USP34: variants seen among roughly 807,000 people sequenced by gnomAD.
USP34 encodes ubiquitin carboxyl-terminal hydrolase 34.
In USP34, 70 loss-of-function variants were observed where a neutral mutation model predicts 460.3. The ratio of observed to expected loss-of-function variants is 0.15; its 90% CI spans 0.13 to 0.19. The LOEUF is 0.19. Ranked by LOEUF, USP34 falls within the 10% of genes least tolerant of loss-of-function variation. The probability of loss-of-function intolerance (pLI) is 1.00; values close to 1 mark genes in which losing one functional copy is unlikely to be tolerated. For missense variants in USP34, 3,985 were observed against 4,236.2 expected (o/e 0.94, Z 1.65); for synonymous variants, 1,647 against 1,405.3 (o/e 1.17, Z -3.85).
At chr2:61,248,734 G>C (rs563306597) in intron 48 of USP34, 51 bp from the exon 49 acceptor site, 1 of 1,481,794 alleles carries the variant, frequency 6.7e-7, no homozygotes, top group South Asian at 1.4e-5. Context: ...AAATACTTCA[G>C]TTGGTTTGAT....
intron 3 of USP34, among the ~76,000 whole-genome samples, chr2:61,396,835 G>T (rs898794825): frequency 6.6e-6 from 1 of 152,104 alleles, no homozygotes; most frequent in Non-Finnish European, 1.5e-5. Flanking sequence ...GGATCTTTGG[G>T]GGATGATGGA....
In USP34 at chr2:61,319,190, G is replaced by A. The variant is rs1690840154; in HGVS notation, c.3151C>T (p.His1051Tyr). Residue 1051 changes from histidine (H) to tyrosine (Y), a missense_variant, in exon 22 of 80, where the codon CAT becomes TAT. His to Tyr is a moderately conservative substitution (Grantham distance 83). Around this residue, in one of 14 missense-constraint regions of USP34, gnomAD observed 1,114 missense variants for 1,122.5 expected, o/e 0.99. Transcript: ENST00000398571. ...QHAMGMETYKHLFLEKMPQLK... is the reference protein window; with the variant it reads ...QHAMGMETYKYLFLEKMPQLK... The stretch of plus-strand genomic sequence containing the variant: ...GTAATTACCTTCTCCAGGAAAAGAT[G>A]TTTGTAGGTTTCCATACCCATAGCA... The A allele has an allele frequency of 1.9e-6, 3 of 1,562,230 alleles. No homozygotes were observed. In the South Asian group the frequency reaches 3.7e-5, roughly 19 times the overall value.
chr2:61,324,705 C>CAGCT (rs1404668962), intron 21 of USP34, among the ~76,000 whole-genome samples: 1 of 152,008 alleles, frequency 6.6e-6, no homozygotes, highest in Non-Finnish European at 1.5e-5. Flanking sequence ...GGGAGGTCAA[C>CAGCT]AGCTGCAATG....
At position 61,406,129 on chromosome 2, in the gene USP34, C is replaced by A; in HGVS notation, c.132-1G>T. The A allele has an allele frequency of 6.5e-7, 1 of 1,530,108 alleles. No individual in the cohort carries two copies. The highest frequency in any genetic ancestry group is 8.7e-7 in the Non-Finnish European group (1 of 1,142,864). 94.8% of individuals were successfully genotyped at this position (1,530,108 alleles called of 1,614,324 possible). On this transcript the variant is annotated splice_acceptor_variant, in intron 2 of 79. Coordinates refer to ENST00000398571, the MANE Select transcript of USP34 (RefSeq NM_014709.4). LOFTEE classifies it high-confidence loss of function. Reference sequence around the variant, plus strand: ...TTCCTTGAAGCAGCATAGACATTGCCTATAAGAGAAAAAAAATTGAATAAA... The same window carrying A: ...TTCCTTGAAGCAGCATAGACATTGCATATAAGAGAAAAAAAATTGAATAAA...
intron 15 of USP34, among the ~76,000 whole-genome samples, chr2:61,345,569 T>C (rs1221368520): frequency 1.3e-5 from 2 of 152,226 alleles, no homozygotes; most frequent in Non-Finnish European, 2.9e-5. Flanking sequence ...CGAGCACTTA[T>C]TGTGCACCAA....
chr2:61,220,614 CTACTTT>C lies in USP34; in HGVS notation c.7900-163_7900-158del, dbSNP rs1192832605. On this transcript the variant is annotated intron_variant, in intron 66 of 79. Coordinates refer to ENST00000398571, the MANE Select transcript of USP34 (RefSeq NM_014709.4). Reference sequence around the variant, plus strand: ...CCCTATTTTTTTCCCATTTTTAAAGCTACTTTTACTTTTATCAACAGGAAGTGTTCA... The same window carrying C: ...CCCTATTTTTTTCCCATTTTTAAAGCTACTTTTATCAACAGGAAGTGTTCA... Among the ~76,000 whole-genome samples the C allele has an allele frequency of 3.9e-5, 6 of 152,154 alleles. No homozygotes were observed. The South Asian group carries it at 6.2e-4, about 16-fold the overall frequency.
At chr2:61,322,343 G>C (rs1437574393) in intron 21 of USP34, among the ~76,000 whole-genome samples, 1 of 152,192 alleles carries the variant, frequency 6.6e-6, no homozygotes, top group African/African-American at 2.4e-5. Context: ...TAATCAGCTA[G>C]GGAGTCAGGC....
chr2:61,338,059 C>G (rs182256512), intron 18 of USP34, among the ~76,000 whole-genome samples: 1 of 152,202 alleles, frequency 6.6e-6, no homozygotes, highest in Non-Finnish European at 1.5e-5. Flanking sequence ...CAGTGACTCA[C>G]GCCTGTAATC....
chr2:61,229,707 A>G, intron 58 of USP34, 74 bp from the exon 59 acceptor site: 1 of 1,293,138 alleles, frequency 7.7e-7, no homozygotes, highest in South Asian at 1.3e-5. Context: ...AACATGATTC[A>G]AAATTCTCTG....
intron 43 of USP34, among the ~76,000 whole-genome samples, chr2:61,260,535 G>C (rs954741079): frequency 2.6e-5 from 4 of 152,166 alleles, no homozygotes; most frequent in African/African-American, 4.8e-5. Flanking sequence ...ATGGAAGACT[G>C]CAAGTAATAT....
intron 8 of USP34, among the ~76,000 whole-genome samples, chr2:61,375,177 G>A (rs1274098943): frequency 3.3e-5 from 5 of 152,084 alleles, no homozygotes; most frequent in African/African-American, 9.7e-5. Context: ...TTAGGGAAAT[G>A]CAAATTAAAA....
At chr2:61,456,473 G>T (rs763536352) in intron 1 of USP34, among the ~76,000 whole-genome samples, 1 of 152,188 alleles carries the variant, frequency 6.6e-6, no homozygotes, top group Non-Finnish European at 1.5e-5. Flanking sequence ...TCTCCGCATA[G>T]TTTAAGTACG....
chr2:61,360,744 C>A (rs1459239059), intron 10 of USP34, among the ~76,000 whole-genome samples: 1 of 152,186 alleles, frequency 6.6e-6, no homozygotes, highest in Non-Finnish European at 1.5e-5. Flanking sequence ...GCAGCCTCGA[C>A]GTCCTGGGCT....
At chr2:61,356,911 A>T (rs1045952784) in intron 10 of USP34, among the ~76,000 whole-genome samples, 1 of 152,240 alleles carries the variant, frequency 6.6e-6, no homozygotes, top group Non-Finnish European at 1.5e-5. Context: ...CTAAAGATAA[A>T]CTTTAGTAAT....
In USP34 at chr2:61,348,752, A is replaced by T; in HGVS notation, c.1674+4T>A. 2 of 1,608,404 alleles carry T rather than the reference A, an allele frequency of 1.2e-6. No homozygotes were observed. The highest frequency in any genetic ancestry group is 2.2e-5 in the South Asian group (2 of 90,046). Reference sequence around the variant, plus strand: ...TATAAAAGAAGAAAAACCTATTTTCATACCTCTGTGTCTGAAAGTCGTTGT... The same window carrying T: ...TATAAAAGAAGAAAAACCTATTTTCTTACCTCTGTGTCTGAAAGTCGTTGT... On this transcript the variant is annotated splice_donor_region_variant and intron_variant, in intron 14 of 79. Coordinates refer to ENST00000398571, the MANE Select transcript of USP34 (RefSeq NM_014709.4).
At chr2:61,250,204 C>T in intron 48 of USP34, 1 of 162,696 alleles carries the variant, frequency 6.1e-6, no homozygotes, top group Middle Eastern at 5.3e-4. Flanking sequence ...GACAACAGAG[C>T]GAGACTCAAA....
chr2:61,450,726 A>G (rs920624735), intron 1 of USP34, among the ~76,000 whole-genome samples: 7 of 152,142 alleles, frequency 4.6e-5, no homozygotes, highest in Non-Finnish European at 8.8e-5. Flanking sequence ...AACCTACATA[A>G]AGGGGAAAAA....
chr2:61,377,862 A>G (rs983389070), intron 8 of USP34, among the ~76,000 whole-genome samples: 4 of 152,226 alleles, frequency 2.6e-5, no homozygotes, highest in Admixed American at 1.3e-4. Context: ...AAATAGTACT[A>G]TATGTTCGCA....
chr2:61,306,792 G>C (rs557989865), intron 27 of USP34, among the ~76,000 whole-genome samples: 1 of 152,078 alleles, frequency 6.6e-6, no homozygotes, highest in African/African-American at 2.4e-5. Flanking sequence ...TTAGAATGGC[G>C]ATCATTAAAA....
Sources: allele counts gnomAD v4.1 joint callset (sites outside exome capture counted in the v4.1 genomes callset), GRCh38; gene constraint gnomAD v4.1.1; regional missense constraint gnomAD v4.1.1; transcripts MANE v1.5; gene names NCBI Gene and HGNC (gene_info 2026-07-23, HGNC 2026-07-21).